PIK3C2B: variants seen among roughly 807,000 people sequenced by gnomAD.
PIK3C2B encodes phosphatidylinositol-4-phosphate 3-kinase catalytic subunit type 2 beta.
Under a neutral mutation model 184.3 loss-of-function variants are expected in PIK3C2B, and 83 were observed. The ratio of observed to expected loss-of-function variants is 0.45; its 90% confidence interval spans 0.38 to 0.54. The LOEUF (loss-of-function observed/expected upper bound fraction) is 0.54. Ranked by LOEUF, PIK3C2B falls within the 20% of genes least tolerant of loss-of-function variation. The probability of loss-of-function intolerance (pLI) is 0.00; values close to 1 mark genes in which losing one functional copy is unlikely to be tolerated. For synonymous variants in PIK3C2B, 779 were observed against 837.6 expected, an observed-to-expected ratio of 0.93 and a Z score of 1.21; for missense variants, 1,736 against 2,113.5, an observed-to-expected ratio of 0.82 and a Z score of 3.50.
intron 32 of PIK3C2B, 54 bp downstream of exon 32, chr1:204,425,559 A>C: frequency 6.3e-7 from 1 of 1,587,326 alleles, no homozygotes; most frequent in Non-Finnish European, 8.6e-7. Flanking sequence ...TTTATCTAGG[A>C]GAACAGGCGC....
Position 204,465,333 on chromosome 1 carries a change from G to A in PIK3C2B, c.934-14C>T, listed in dbSNP as rs766684306. The A allele has an allele frequency of 3.8e-6, 6 of 1,565,830 alleles. No homozygotes were observed. The South Asian group carries it at 4.4e-5, about 12-fold the overall frequency. ...CCGGGAGCCCACCTTTAAGAGAAGA[G>A]CAGACGACTCAGTGCCTTTTTCCTC... is the stretch of plus-strand genomic sequence containing the variant. On this transcript the variant is annotated splice_polypyrimidine_tract_variant and intron_variant, in intron 2 of 32. Coordinates refer to ENST00000684373, the MANE Select transcript of PIK3C2B (RefSeq NM_001377334.1).
Position 204,447,051 on chromosome 1 carries a change from A to T in PIK3C2B, c.2489+385T>A, listed in dbSNP as rs1380373352. On this transcript the variant is annotated intron_variant, in intron 15 of 32. Transcript: ENST00000684373. The surrounding 1 kb of genome is among the most constrained non-coding windows in gnomAD (Gnocchi z 4.1). ...TTTTGGAAAGTGACAGGGCCAGAAA[A>T]ATTCAAAGGCTGTTGGTGTGGAAGG... is the stretch of plus-strand genomic sequence containing the variant. Among the ~76,000 whole-genome samples, 1 of 151,844 alleles carries T rather than the reference A, an allele frequency of 6.6e-6. No individual in the cohort carries two copies. The highest frequency in any genetic ancestry group is 1.5e-5 in the Non-Finnish European group (1 of 67,960).
chr1:204,462,425 G>A (rs573261465), intron 5 of PIK3C2B, among the ~76,000 whole-genome samples: 94 of 152,308 alleles, frequency 6.2e-4, no homozygotes, highest in Middle Eastern at 3.4e-3. Context: ...AGAGGGCCCT[G>A]AGCATCAATC....
At chr1:204,455,377 C>T (rs919042068) in intron 11 of PIK3C2B, among the ~76,000 whole-genome samples, 1 of 152,098 alleles carries the variant, frequency 6.6e-6, no homozygotes, top group Non-Finnish European at 1.5e-5. Context: ...GTGCCTATTC[C>T]CTCAGGCCTT....
intron 10 of PIK3C2B, 91 bp downstream of exon 10, chr1:204,456,942 CATAA>C (rs1654918875): frequency 9.9e-7 from 1 of 1,015,208 alleles, no homozygotes; most frequent in East Asian, 2.6e-5. Flanking sequence ...AACTCCGACA[CATAA>C]ATCAAGGGGC....
intron 4 of PIK3C2B, 71 bp downstream of exon 4, chr1:204,464,379 C>T (rs943467504): frequency 6.5e-5 from 85 of 1,304,004 alleles, no homozygotes; most frequent in African/African-American, 2.3e-4. Flanking sequence ...AGGTGGAAAT[C>T]GAGTCAAAAC....
At chr1:204,445,318 C>T (rs1653757736) in intron 16 of PIK3C2B, among the ~76,000 whole-genome samples, 1 of 151,818 alleles carries the variant, frequency 6.6e-6, no homozygotes, top group Non-Finnish European at 1.5e-5. Context: ...AAAGGCTGGG[C>T]ATGGTAGCTC....
At chr1:204,426,892 T>C (rs1427513206) in intron 31 of PIK3C2B, among the ~76,000 whole-genome samples, 4 of 152,184 alleles carry the variant, frequency 2.6e-5, no homozygotes, top group African/African-American at 9.7e-5. Flanking sequence ...TCCCAGCACT[T>C]TGGGAGGCTG....
At chr1:204,484,241 C>T (rs1457252304) in intron 1 of PIK3C2B, among the ~76,000 whole-genome samples, 1 of 152,128 alleles carries the variant, frequency 6.6e-6, no homozygotes, top group Admixed American at 6.5e-5. Flanking sequence ...GTCCTCACAA[C>T]AATCCTTAAA....
At chr1:204,492,962 T>C (rs1658105036) in intron 1 of PIK3C2B, among the ~76,000 whole-genome samples, 1 of 152,158 alleles carries the variant, frequency 6.6e-6, no homozygotes, top group African/African-American at 2.4e-5. Context: ...CTATAAAATG[T>C]GCCTCGACTT....
At chr1:204,431,471 T>A (rs775555587) in intron 28 of PIK3C2B, 198 bp downstream of exon 28, 22 of 622,090 alleles carry the variant, frequency 3.5e-5, no homozygotes, top group Non-Finnish European at 5.7e-5. Context: ...GGGCCTGGAG[T>A]GAGAGCTCTT....
chr1:204,444,488 G>T, intron 16 of PIK3C2B, 64 bp from the exon 17 acceptor site: 1 of 1,181,078 alleles, frequency 8.5e-7, no homozygotes, highest in Non-Finnish European at 1.2e-6. Flanking sequence ...TGTGAGCCCA[G>T]CACCCTCACA....
chr1:204,443,660 G>C lies in PIK3C2B; in HGVS notation c.2868-63C>G, dbSNP rs147563182. ...GGGATCAAAGGCAAGGGTACAGGGG[G>C]AGACAGAGTCAGGCCCAGCTCCAAC... is the stretch of plus-strand genomic sequence containing the variant. On this transcript the variant is annotated intron_variant, in intron 18 of 32. Coordinates refer to ENST00000684373, the MANE Select transcript of PIK3C2B (RefSeq NM_001377334.1). The C allele has an allele frequency of 3.3e-5, 49 of 1,483,918 alleles. No individual in the cohort carries two copies. In the African/African-American group the frequency reaches 6.6e-4, roughly 20 times the overall value. 91.9% of individuals were successfully genotyped at this position (1,483,918 alleles called of 1,614,324 possible). A position where few individuals can be genotyped will look rare whatever the true frequency, so the allele number is the denominator to read the frequency against.
At chr1:204,455,764 T>A in intron 11 of PIK3C2B, 92 bp downstream of exon 11, 1 of 1,007,874 alleles carries the variant, frequency 9.9e-7, no homozygotes, top group East Asian at 2.6e-5. Context: ...ATCCTAAGAC[T>A]TAGGACAGTG....
At chr1:204,481,550 C>T (rs1252111836) in intron 1 of PIK3C2B, among the ~76,000 whole-genome samples, 2 of 152,148 alleles carry the variant, frequency 1.3e-5, no homozygotes, top group African/African-American at 4.8e-5. Flanking sequence ...AGCCACCACG[C>T]CGAGGTCACA....
chr1:204,488,703 C>G (rs1223360767), intron 1 of PIK3C2B, among the ~76,000 whole-genome samples: 2 of 152,162 alleles, frequency 1.3e-5, no homozygotes, highest in Non-Finnish European at 2.9e-5. Context: ...ACACTCCATT[C>G]CCCATCCTGC....
chr1:204,469,409 C>CA lies in PIK3C2B; in HGVS notation c.393dup (p.Asp132Ter), dbSNP rs1656109228. 6.5e-7 allele frequency: 1 copy of CA among 1,546,398 alleles called. No individual in the cohort carries two copies. Among genetic ancestry groups the CA allele is most frequent in the Non-Finnish European group, 8.7e-7 (1 of 1,151,574 alleles). On this transcript the variant is annotated frameshift_variant, in exon 2 of 33. Transcript: ENST00000684373. LOFTEE classifies it high-confidence loss of function. Reference sequence around the variant, plus strand: ...GAAGAGACTCCCCCATCTGAACCATCAAAAATGTAGAGATAGTCTCCAGAC... The same window carrying CA: ...GAAGAGACTCCCCCATCTGAACCATCAAAAAATGTAGAGATAGTCTCCAGAC...
chr1:204,455,542 C>T (rs1358356133), intron 11 of PIK3C2B, among the ~76,000 whole-genome samples: 11 of 152,028 alleles, frequency 7.2e-5, no homozygotes, highest in Non-Finnish European at 1.5e-5. Flanking sequence ...ATCTGGGAAT[C>T]GGCCATCTGT....
At chr1:204,488,684 T>A (rs1454155495) in intron 1 of PIK3C2B, among the ~76,000 whole-genome samples, 1 of 152,172 alleles carries the variant, frequency 6.6e-6, no homozygotes, top group Non-Finnish European at 1.5e-5. Context: ...TCAGTTCACC[T>A]CATTCACCAC....
Sources: allele counts gnomAD v4.1 joint callset (sites outside exome capture counted in the v4.1 genomes callset), GRCh38; gene constraint gnomAD v4.1.1; non-coding constraint Gnocchi (gnomAD v3.1); transcripts MANE v1.5; gene names NCBI Gene and HGNC (gene_info 2026-07-23, HGNC 2026-07-21).